Variants in SP2 observed in about 807,000 individuals in gnomAD.
SP2 encodes the protein transcription factor Sp2.
SP2 carries 9 observed loss-of-function variants against 50.1 expected under a neutral mutation model. That is an observed-to-expected ratio of 0.18 (90% CI 0.11 to 0.31). The LOEUF is 0.31. Ranked by LOEUF, SP2 falls within the 10% of genes least tolerant of loss-of-function variation. The pLI is 1.00. For synonymous variants in SP2, 313 were observed against 326.6 expected, an observed-to-expected ratio of 0.96 and a Z score of 0.45; for missense variants, 581 against 806.5, an observed-to-expected ratio of 0.72 and a Z score of 3.39.
chr17:47,905,477 G>A (rs1009642142), intron 1 of SP2, among the ~76,000 whole-genome samples: 1 of 152,238 alleles, frequency 6.6e-6, no homozygotes, highest in African/African-American at 2.4e-5. Context: ...CAAGGCCTGG[G>A]TTGTGGAGAT....
chr17:47,911,082 C>T (rs1426307571), intron 1 of SP2, among the ~76,000 whole-genome samples: 7 of 151,234 alleles, frequency 4.6e-5, no homozygotes, highest in Non-Finnish European at 1.0e-4. Flanking sequence ...AAAAATTAGC[C>T]GGGTGTGGTG....
At chr17:47,924,839 T>A (rs2035585285) in intron 4 of SP2, 80 bp from the exon 5 acceptor site, 1 of 1,301,170 alleles carries the variant, frequency 7.7e-7, no homozygotes. Context: ...ATCATCTTTG[T>A]CATGTGCAGA....
At position 47,924,903 on chromosome 17, in the gene SP2, C is replaced by G; in HGVS notation, c.1373-16C>G. The G allele has an allele frequency of 6.4e-7, 1 of 1,571,796 alleles. No homozygotes were observed. Among genetic ancestry groups the G allele is most frequent in the Non-Finnish European group, 8.7e-7 (1 of 1,152,938 alleles). On this transcript the variant is annotated splice_polypyrimidine_tract_variant and intron_variant, in intron 4 of 6. Coordinates refer to ENST00000376741, the MANE Select transcript of SP2 (RefSeq NM_003110.6). ...GGCTTCCTCACCCTGAACTCTGCCC[C>G]TCTTTGTCCCCACAGGGCAGCAGCA...
intron 1 of SP2, among the ~76,000 whole-genome samples, chr17:47,905,041 G>C (rs538728477): frequency 9.9e-5 from 15 of 152,144 alleles, no homozygotes; most frequent in Non-Finnish European, 1.8e-4. Flanking sequence ...CAAAGTGCTG[G>C]TATTACAGGC....
chr17:47,923,591 C>G (rs888255864), intron 4 of SP2, among the ~76,000 whole-genome samples: 2 of 152,182 alleles, frequency 1.3e-5, no homozygotes, highest in South Asian at 2.1e-4. Flanking sequence ...AAGAAGGGAG[C>G]CCTGGCAGTC....
rs753712243 is a variant in SP2 at position 47,924,913 on chromosome 17, C to T, written c.1373-6C>T. The stretch of plus-strand genomic sequence containing the variant: ...CCCTGAACTCTGCCCCTCTTTGTCC[C>T]CACAGGGCAGCAGCAGCTGACAGTG... On this transcript the variant is annotated splice_polypyrimidine_tract_variant and splice_region_variant and intron_variant, in intron 4 of 6. Coordinates refer to ENST00000376741, the MANE Select transcript of SP2 (RefSeq NM_003110.6). The T allele has an allele frequency of 4.4e-6, 7 of 1,587,302 alleles. No individual in the cohort carries two copies. In the Admixed American group the frequency reaches 1.2e-4, roughly 27 times the overall value.
At position 47,916,959 on chromosome 17, in the gene SP2, T is replaced by A. The variant is rs772934650; in HGVS notation, c.888T>A (p.Ala296=). The A allele has an allele frequency of 1.2e-6, 2 of 1,614,120 alleles. No homozygotes were observed. Among genetic ancestry groups the A allele is most frequent in the Admixed American group, 3.3e-5 (2 of 60,024 alleles). The change falls in exon 3 of 7, where the codon GCT becomes GCA. Residue 296 remains alanine (A), a synonymous_variant. Transcript: ENST00000376741. The surrounding 1 kb of genome is among the most constrained non-coding windows in gnomAD (Gnocchi z 4.7). ...AGAGCCCTGGTGGGGGCCAGCCAGCTGTGGTCCAGCAGGTCCAGGTGGTGC... is the reference window on the plus strand; with the variant it reads ...AGAGCCCTGGTGGGGGCCAGCCAGCAGTGGTCCAGCAGGTCCAGGTGGTGC... The part of the protein sequence containing the change: ...IVQSPGGGQP[A]VVQQVQVVPP...
intron 4 of SP2, among the ~76,000 whole-genome samples, chr17:47,923,703 G>C (rs1458679204): frequency 1.3e-5 from 2 of 152,158 alleles, no homozygotes; most frequent in South Asian, 2.1e-4. Flanking sequence ...AGCAAAAATG[G>C]CTCCTTATGT....
chr17:47,925,883 T>C (rs1215806601), intron 6 of SP2, among the ~76,000 whole-genome samples: 1 of 148,986 alleles, frequency 6.7e-6, no homozygotes, highest in Non-Finnish European at 1.5e-5. Flanking sequence ...AAGAACTTTA[T>C]GGGAAGATAC....
intron 1 of SP2, chr17:47,898,010 C>T (rs2034406161): frequency 5.9e-6 from 2 of 338,804 alleles, no homozygotes; most frequent in African/African-American, 2.2e-5. Context: ...AGAAAAAAAG[C>T]GAGTCTGACA....
intron 1 of SP2, among the ~76,000 whole-genome samples, chr17:47,903,774 A>G (rs2034640719): frequency 1.3e-5 from 2 of 151,988 alleles, no homozygotes; most frequent in Non-Finnish European, 2.9e-5. Context: ...ATCCTGGCCA[A>G]CATGGTGAAA....
intron 1 of SP2, among the ~76,000 whole-genome samples, chr17:47,904,648 G>A (rs71377325): frequency 0.029 from 4,477 of 152,170 alleles, 208 homozygotes; most frequent in African/African-American, 0.096. Context: ...TGCTTACTTC[G>A]GCCTGTGGCA....
chr17:47,926,182 G>A (rs1020545034), intron 6 of SP2, among the ~76,000 whole-genome samples: 20 of 152,016 alleles, frequency 1.3e-4, no homozygotes, highest in Admixed American at 1.3e-3. Flanking sequence ...CTCCCAAAGT[G>A]CTAGGAATAG....
chr17:47,914,248 G>A (rs890586480), intron 1 of SP2, among the ~76,000 whole-genome samples: 3 of 152,068 alleles, frequency 2.0e-5, no homozygotes, highest in Non-Finnish European at 2.9e-5. Flanking sequence ...GTACATGCCT[G>A]TAATCCTAGC....
chr17:47,924,363 T>C (rs1359502686), intron 4 of SP2, among the ~76,000 whole-genome samples: 1 of 152,064 alleles, frequency 6.6e-6, no homozygotes, highest in Non-Finnish European at 1.5e-5. Flanking sequence ...CTTGAACTCC[T>C]GGGCCCAAGC....
chr17:47,922,517 C>G (rs1405259370), intron 3 of SP2, among the ~76,000 whole-genome samples: 2 of 147,580 alleles, frequency 1.4e-5, no homozygotes, highest in African/African-American at 5.1e-5. Flanking sequence ...ATAACAAAGA[C>G]CAGAAACTTT....
intron 1 of SP2, chr17:47,898,605 A>T (rs1256330873): frequency 1.3e-5 from 2 of 152,014 alleles, no homozygotes; most frequent in Non-Finnish European, 2.9e-5. Context: ...TTATTTTTTC[A>T]CACACACCCC....
chr17:47,911,177 G>GATCC (rs1284053519), intron 1 of SP2, among the ~76,000 whole-genome samples: 1 of 152,136 alleles, frequency 6.6e-6, no homozygotes, highest in African/African-American at 2.4e-5. Context: ...GGTGAGCCGA[G>GATCC]ATCACGCCAC....
intron 1 of SP2, among the ~76,000 whole-genome samples, chr17:47,904,777 A>G (rs985895323): frequency 4.6e-5 from 7 of 152,026 alleles, no homozygotes; most frequent in African/African-American, 1.4e-4. Flanking sequence ...AATTTTTATT[A>G]TTATTTTTTA....
Sources: allele counts gnomAD v4.1 joint callset (sites outside exome capture counted in the v4.1 genomes callset), GRCh38; gene constraint gnomAD v4.1.1; non-coding constraint Gnocchi (gnomAD v3.1); transcripts MANE v1.5; gene names NCBI Gene and HGNC (gene_info 2026-07-23, HGNC 2026-07-21).